The following CNBD1 variants were observed in gnomAD, a reference collection of about 807,000 sequenced individuals.
The protein encoded by CNBD1 is cyclic nucleotide-binding domain-containing protein 1.
In CNBD1, 71 loss-of-function variants were observed where a neutral mutation model predicts 54.4. The observed-to-expected ratio is 1.30, with a 90% CI of 1.08 to 1.59. CNBD1 has a LOEUF of 1.59. CNBD1 is among the 40% of genes most tolerant of loss of function. CNBD1 has a pLI of 0.00. For missense variants in CNBD1, 659 were observed against 518.0 expected (o/e 1.27, Z -2.64); for synonymous variants, 182 against 170.7 (o/e 1.07, Z -0.51).
chr8:87,278,573 T>C (rs1808529872), intron 6 of CNBD1, among the ~76,000 whole-genome samples: 1 of 151,502 alleles, frequency 6.6e-6, no homozygotes, highest in Admixed American at 6.6e-5. Flanking sequence ...AACCATCTTT[T>C]TGAATGAAGG....
chr8:87,244,976 A>AAAATG (rs1463995188), intron 6 of CNBD1, among the ~76,000 whole-genome samples: 1 of 152,104 alleles, frequency 6.6e-6, no homozygotes, highest in East Asian at 1.9e-4. Context: ...TTCTTAAAAT[A>AAAATG]AAATGTAAAC....
chr8:87,394,591 T>C (rs972018562), intron 2 of CNBD1, among the ~76,000 whole-genome samples: 1 of 151,942 alleles, frequency 6.6e-6, no homozygotes. Context: ...GTATAGTCAA[T>C]GCCATGGTGA....
intron 4 of CNBD1, among the ~76,000 whole-genome samples, chr8:87,139,353 G>A (rs1812326142): frequency 6.6e-6 from 1 of 152,156 alleles, no homozygotes; most frequent in South Asian, 2.1e-4. Context: ...TGAAACAATT[G>A]TGTCTCAGGA....
intron 8 of CNBD1, among the ~76,000 whole-genome samples, chr8:87,290,726 C>T (rs1038071547): frequency 2.0e-5 from 3 of 152,064 alleles, no homozygotes; most frequent in African/African-American, 4.8e-5. Context: ...TGAAAGACAG[C>T]TTTGCAGGGT....
At chr8:87,234,151 C>T (rs1372579090) in intron 5 of CNBD1, among the ~76,000 whole-genome samples, 1 of 152,102 alleles carries the variant, frequency 6.6e-6, no homozygotes. Context: ...CTCTTTCCAC[C>T]ACATCTGCAG....
At chr8:87,302,649 G>T (rs1809033502) in intron 8 of CNBD1, among the ~76,000 whole-genome samples, 1 of 151,794 alleles carries the variant, frequency 6.6e-6, no homozygotes, top group Non-Finnish European at 1.5e-5. Context: ...AATCAGGCAG[G>T]AGAAGGAAAT....
intron 10 of CNBD1, among the ~76,000 whole-genome samples, chr8:87,376,702 T>A (rs1445731020): frequency 6.6e-6 from 1 of 152,006 alleles, no homozygotes; most frequent in East Asian, 1.9e-4. Context: ...TTTCATTTCA[T>A]CTTAATGAAA....
In CNBD1 at chr8:86,968,954, T is replaced by C. The variant is rs116038183; in HGVS notation, c.431+29200T>C. Among the ~76,000 whole-genome samples, 1,481 of 152,230 alleles carry C rather than the reference T, an allele frequency of 9.7e-3. 18 individuals are homozygous for C. Among genetic ancestry groups the C allele is most frequent in the African/African-American group, 0.033 (1,364 of 41,540 alleles). ...GAAATTCAGCAGAACTGTTTGAGGG[T>C]AGAGATCTTGGAGCCCACAAGGAAT... On this transcript the variant is annotated intron_variant, in intron 4 of 10. Transcript: ENST00000518476.
intron 7 of CNBD1, among the ~76,000 whole-genome samples, chr8:87,286,170 T>TA (rs1170003569): frequency 6.6e-6 from 1 of 152,186 alleles, no homozygotes; most frequent in Non-Finnish European, 1.5e-5. Flanking sequence ...TGGCTAGCTT[T>TA]AACAAAAAAT....
intron 4 of CNBD1, among the ~76,000 whole-genome samples, chr8:87,078,688 T>C (rs936118489): frequency 6.6e-6 from 1 of 152,170 alleles, no homozygotes; most frequent in Non-Finnish European, 1.5e-5. Context: ...TTGTTTGTGT[T>C]TAAGAGCATC....
chr8:87,419,002 G>C (rs1449556785), intron 2 of CNBD1, among the ~76,000 whole-genome samples: 2 of 151,802 alleles, frequency 1.3e-5, no homozygotes, highest in African/African-American at 4.8e-5. Flanking sequence ...ACTTTTACAT[G>C]AATGTTCATA....
chr8:87,361,689 AAT>A (rs71277937), intron 10 of CNBD1, among the ~76,000 whole-genome samples: 126 of 143,182 alleles, frequency 8.8e-4, no homozygotes, highest in Admixed American at 1.2e-3. Flanking sequence ...TAGTTGGATG[AAT>A]ATATATATAT....
chr8:87,082,511 T>C (rs79942054), intron 4 of CNBD1, among the ~76,000 whole-genome samples: 12,461 of 152,326 alleles, frequency 0.082, 658 homozygotes, highest in Non-Finnish European at 0.12. Context: ...TTTTGTTGTC[T>C]GCTTCACCTG....
At chr8:87,117,335 G>T (rs1811793873) in intron 4 of CNBD1, among the ~76,000 whole-genome samples, 1 of 149,262 alleles carries the variant, frequency 6.7e-6, no homozygotes, top group African/African-American at 2.5e-5. Context: ...GGAGGCAGAG[G>T]TTGCAGTGAG....
intron 2 of CNBD1, among the ~76,000 whole-genome samples, chr8:87,416,838 T>C (rs1223125375): frequency 6.6e-6 from 1 of 152,000 alleles, no homozygotes; most frequent in African/African-American, 2.4e-5. Flanking sequence ...ATAAGAAAAC[T>C]ACAGATCAAC....
chr8:87,288,397 C>A (rs1009501826), intron 8 of CNBD1, among the ~76,000 whole-genome samples: 2 of 151,772 alleles, frequency 1.3e-5, no homozygotes, highest in Non-Finnish European at 2.9e-5. Context: ...ATATAATATC[C>A]AATCTTTGCC....
intron 8 of CNBD1, among the ~76,000 whole-genome samples, chr8:87,291,235 T>A (rs1330346811): frequency 6.6e-6 from 1 of 151,832 alleles, no homozygotes; most frequent in Non-Finnish European, 1.5e-5. Flanking sequence ...CAACCTGGAC[T>A]TTTATTAGTT....
intron 10 of CNBD1, among the ~76,000 whole-genome samples, chr8:87,359,645 T>C (rs750752243): frequency 2.6e-5 from 4 of 152,092 alleles, no homozygotes; most frequent in Non-Finnish European, 4.4e-5. Flanking sequence ...ATCTACTTCA[T>C]TTATTATTTG....
At chr8:87,038,496 C>T (rs764086882) in intron 4 of CNBD1, among the ~76,000 whole-genome samples, 1 of 152,092 alleles carries the variant, frequency 6.6e-6, no homozygotes, top group Non-Finnish European at 1.5e-5. Context: ...TGGGTGAAGC[C>T]ATCTCTCCAG....
Sources: gnomAD v4.1 joint callset for allele counts (sites outside exome capture counted in the v4.1 genomes callset) on GRCh38, gnomAD v4.1.1 for gene constraint, MANE v1.5 for transcripts, NCBI Gene and HGNC (gene_info 2026-07-23, HGNC 2026-07-21) for gene names.